MEMO1: variants seen among roughly 807,000 people sequenced by gnomAD.
The protein encoded by MEMO1 is protein MEMO1.
Under a neutral mutation model 45.2 loss-of-function variants are expected in MEMO1, and 6 were observed. That is an observed-to-expected ratio of 0.13 (90% confidence interval 0.07 to 0.26). The LOEUF (loss-of-function observed/expected upper bound fraction) is 0.26. Ranked by LOEUF, MEMO1 falls within the 10% of genes least tolerant of loss-of-function variation. The pLI is 1.00. For missense variants in MEMO1, 184 were observed against 370.5 expected (o/e 0.50, Z 4.13); for synonymous variants, 78 against 124.3 (o/e 0.63, Z 2.48).
At chr2:31,967,154 C>T (rs1668727861) in intron 2 of MEMO1, among the ~76,000 whole-genome samples, 1 of 148,250 alleles carries the variant, frequency 6.7e-6, no homozygotes, top group Non-Finnish European at 1.5e-5. Flanking sequence ...GACGGAGTCT[C>T]GCTTTGTTGC....
intron 2 of MEMO1, among the ~76,000 whole-genome samples, chr2:31,965,494 C>T (rs1343688318): frequency 1.3e-5 from 2 of 151,618 alleles, no homozygotes; most frequent in African/African-American, 4.9e-5. Flanking sequence ...TGTTACAGAA[C>T]CACAATTTTA....
intron 6 of MEMO1, among the ~76,000 whole-genome samples, chr2:31,908,230 T>C (rs868858933): frequency 6.5e-4 from 99 of 152,258 alleles, no homozygotes; most frequent in African/African-American, 2.2e-3. Flanking sequence ...CTAACTCCAG[T>C]CCTACCCACA....
At chr2:31,962,757 C>A (rs1668167766) in intron 2 of MEMO1, among the ~76,000 whole-genome samples, 1 of 152,102 alleles carries the variant, frequency 6.6e-6, no homozygotes. Flanking sequence ...AGGAAATGTA[C>A]AAAATGAGCC....
intron 2 of MEMO1, among the ~76,000 whole-genome samples, chr2:31,997,221 C>T (rs1357758104): frequency 6.6e-6 from 1 of 152,068 alleles, no homozygotes; most frequent in East Asian, 1.9e-4. Flanking sequence ...AAGCCCCAAA[C>T]AGGATAAACT....
At chr2:31,926,717 T>C (rs1051255620) in intron 4 of MEMO1, among the ~76,000 whole-genome samples, 3 of 151,778 alleles carry the variant, frequency 2.0e-5, no homozygotes, top group Admixed American at 6.6e-5. Context: ...CGTGGTGGCA[T>C]GTGCCTGTAA....
chr2:31,926,917 C>G (rs1175655145), intron 4 of MEMO1, among the ~76,000 whole-genome samples: 1 of 152,014 alleles, frequency 6.6e-6, no homozygotes, highest in African/African-American at 2.4e-5. Flanking sequence ...TAATGAAATA[C>G]CAGCATTGAA....
intron 2 of MEMO1, among the ~76,000 whole-genome samples, chr2:31,959,298 G>A (rs923637231): frequency 6.6e-6 from 1 of 152,140 alleles, no homozygotes; most frequent in Non-Finnish European, 1.5e-5. Flanking sequence ...TGATGATGAT[G>A]ACAATAGAAA....
chr2:31,909,637 C>A (rs1205529595), intron 6 of MEMO1, among the ~76,000 whole-genome samples: 4 of 151,954 alleles, frequency 2.6e-5, no homozygotes, highest in African/African-American at 9.7e-5. Flanking sequence ...GATAGATATC[C>A]CATGTTCATG....
In MEMO1 at chr2:31,936,736, T is replaced by A. The variant is rs75512305; in HGVS notation, c.144-4601A>T. 2.2e-4 allele frequency among the ~76,000 whole-genome samples: 34 copies of A among 152,324 alleles called. No individual in the cohort carries two copies. In the East Asian group the frequency reaches 6.4e-3, roughly 29 times the overall value. On this transcript the variant is annotated intron_variant, in intron 3 of 9. Transcript: ENST00000404530. Reference sequence around the variant, plus strand: ...GACCTTCAGGGTCACAGGTGAACAGTATAAACTGTCAATGCCAAGAGTCTA... The same window carrying A: ...GACCTTCAGGGTCACAGGTGAACAGAATAAACTGTCAATGCCAAGAGTCTA...
At chr2:31,875,941 C>A (rs141321361) in intron 8 of MEMO1, among the ~76,000 whole-genome samples, 6,633 of 152,178 alleles carry the variant, frequency 0.044, 255 homozygotes, top group Admixed American at 0.12. Context: ...CTCGCCTCGG[C>A]CCCCCAAACT....
At position 31,932,121 on chromosome 2, in the gene MEMO1, G is replaced by A. The variant is rs1303988275; in HGVS notation, c.158C>T (p.Thr53Met). The A allele has an allele frequency of 5.6e-6, 9 of 1,613,152 alleles. No individual in the cohort carries two copies. Among genetic ancestry groups the A allele is most frequent in the South Asian group, 1.1e-5 (1 of 90,954 alleles). Residue 53 changes from threonine (T) to methionine (M), a missense_variant, in exon 4 of 10, where the codon ACG becomes ATG. Thr to Met is a moderately conservative substitution (Grantham distance 81, BLOSUM62 -1). Around this residue, in one of 3 missense-constraint regions of MEMO1, gnomAD observed 27 missense variants for 82.1 expected, o/e 0.33. Coordinates refer to ENST00000404530, the MANE Select transcript of MEMO1 (RefSeq NM_001301833.4). ...RAIIAPHAGY[T>M]YCGSCAAHAY... The stretch of plus-strand genomic sequence containing the variant: ...ATGGGCAGCACAAGACCCACAGTAC[G>A]TATATCCTGCATGGCTACAAAACAA...
At chr2:31,887,083 G>A (rs151079696) in intron 7 of MEMO1, among the ~76,000 whole-genome samples, 15 of 152,264 alleles carry the variant, frequency 9.9e-5, no homozygotes, top group South Asian at 4.1e-4. Context: ...TCCAGAGCAC[G>A]CTTTCTGAGA....
At chr2:31,954,835 GAA>G (rs200128212) in intron 2 of MEMO1, among the ~76,000 whole-genome samples, 2 of 124,408 alleles carry the variant, frequency 1.6e-5, no homozygotes, top group African/African-American at 3.0e-5. Flanking sequence ...ACTCTGTTTT[GAA>G]AAAAAAAAAA....
intron 6 of MEMO1, among the ~76,000 whole-genome samples, chr2:31,908,164 A>G (rs535960945): frequency 6.6e-6 from 1 of 152,326 alleles, no homozygotes; most frequent in South Asian, 2.1e-4. Context: ...AGAAGCTCAG[A>G]TTTGTAAATG....
chr2:31,914,183 G>A (rs1681064349), intron 6 of MEMO1, among the ~76,000 whole-genome samples: 1 of 152,152 alleles, frequency 6.6e-6, no homozygotes, highest in South Asian at 2.1e-4. Flanking sequence ...AAGTCAAACT[G>A]CCTCAATTGG....
intron 2 of MEMO1, among the ~76,000 whole-genome samples, chr2:32,000,029 A>G (rs1673085940): frequency 6.6e-6 from 1 of 151,876 alleles, no homozygotes; most frequent in African/African-American, 2.4e-5. Context: ...AGCACACATC[A>G]GCACATCACT....
chr2:31,952,458 G>A lies in MEMO1; in HGVS notation c.62-9075C>T, dbSNP rs540758826. Among the ~76,000 whole-genome samples, 11 of 152,076 alleles carry A rather than the reference G, an allele frequency of 7.2e-5. No homozygotes were observed. In the South Asian group the frequency reaches 1.2e-3, roughly 17 times the overall value. Reference sequence around the variant, plus strand: ...CTAAAACCAATTCCATTGGCATTTCGTACCCAAAAGAGCTACAAATTTGGA... The same window carrying A: ...CTAAAACCAATTCCATTGGCATTTCATACCCAAAAGAGCTACAAATTTGGA... On this transcript the variant is annotated intron_variant, in intron 2 of 9. Transcript: ENST00000404530.
intron 3 of MEMO1, among the ~76,000 whole-genome samples, chr2:31,936,113 G>A (rs758519674): frequency 3.3e-5 from 5 of 151,836 alleles, no homozygotes; most frequent in Admixed American, 1.3e-4. Flanking sequence ...ACAGGCATCC[G>A]TCACCACACC....
chr2:31,939,241 A>G (rs1665321849), intron 3 of MEMO1, among the ~76,000 whole-genome samples: 1 of 152,096 alleles, frequency 6.6e-6, no homozygotes, highest in Non-Finnish European at 1.5e-5. Flanking sequence ...GCACATTTAT[A>G]TATGTTTATT....
Sources: gnomAD v4.1 joint callset for allele counts (sites outside exome capture counted in the v4.1 genomes callset) on GRCh38, gnomAD v4.1.1 for gene constraint, gnomAD v4.1.1 regional missense constraint, MANE v1.5 for transcripts, NCBI Gene and HGNC (gene_info 2026-07-23, HGNC 2026-07-21) for gene names.